The following COL16A1 variants were observed in gnomAD, a reference collection of about 807,000 sequenced individuals.
The protein encoded by COL16A1 is collagen type XVI alpha 1 chain.
Under a neutral mutation model 266.3 loss-of-function variants are expected in COL16A1, and 189 were observed. That is an observed-to-expected ratio of 0.71 (90% CI 0.63 to 0.80). COL16A1 has a LOEUF of 0.80. COL16A1 is among the 30% of genes least tolerant of loss of function. The pLI is 0.00. For missense variants in COL16A1, 1,928 were observed against 2,122.4 expected (o/e 0.91, Z 1.80); for synonymous variants, 740 against 782.3 (o/e 0.95, Z 0.90).
Position 31,690,413 on chromosome 1 carries a change from G to T in COL16A1, c.1483-20C>A. Reference sequence around the variant, plus strand: ...CTTCCCCTGTTAGAAAAGAGGCAATGGGCATCAGTGCCAGGGCAGAGGGCT... The same window carrying T: ...CTTCCCCTGTTAGAAAAGAGGCAATTGGCATCAGTGCCAGGGCAGAGGGCT... On this transcript the variant is annotated intron_variant, in intron 21 of 70. Transcript: ENST00000373672. The T allele has an allele frequency of 6.2e-7, 1 of 1,614,154 alleles. No individual in the cohort carries two copies. Among genetic ancestry groups the T allele is most frequent in the Non-Finnish European group, 8.5e-7 (1 of 1,180,020 alleles).
At chr1:31,701,377 C>A (rs192942609) in intron 2 of COL16A1, 2 of 985,438 alleles carry the variant, frequency 2.0e-6, no homozygotes, top group Non-Finnish European at 2.4e-6. Flanking sequence ...GGGCAGGCGG[C>A]CACACTCACC....
chr1:31,670,494 A>G lies in COL16A1; in HGVS notation c.3195+108T>C, dbSNP rs998861566. ...TAGCTACCGTGCCTGAAGGGGGACA[A>G]CAAACACGGAGGACGGAGGTGAAGG... On this transcript the variant is annotated intron_variant, in intron 49 of 70. Coordinates refer to ENST00000373672, the MANE Select transcript of COL16A1 (RefSeq NM_001856.4). This position sits in a 1 kb window ranked among gnomAD's most constrained non-coding sequence, Gnocchi z 4.5. The G allele has an allele frequency of 4.3e-5, 55 of 1,276,818 alleles. No homozygotes were observed. In the African/African-American group the frequency reaches 8.0e-4, roughly 19 times the overall value. 79.1% of individuals were successfully genotyped at this position (1,276,818 alleles called of 1,614,324 possible).
chr1:31,661,906 A>G (rs1641704956), intron 58 of COL16A1: 1 of 640,008 alleles, frequency 1.6e-6, no homozygotes, highest in African/African-American at 1.8e-5. Flanking sequence ...CTTCTTTGGG[A>G]TATATAAGGG....
At chr1:31,658,091 C>T (rs1377655727) in intron 64 of COL16A1, among the ~76,000 whole-genome samples, 1 of 152,230 alleles carries the variant, frequency 6.6e-6, no homozygotes, top group Admixed American at 6.5e-5. Flanking sequence ...TAAACGTGAG[C>T]TGAGACCAAG....
In COL16A1 at chr1:31,654,021, G is replaced by A. The variant is rs191886026; in HGVS notation, c.4380C>T (p.Ser1460=). 2,533 of 1,614,030 alleles carry A rather than the reference G, an allele frequency of 1.6e-3. 1 individual carries two copies. Among genetic ancestry groups the A allele is most frequent in the Non-Finnish European group, 1.8e-3 (2,078 of 1,179,942 alleles). The stretch of plus-strand genomic sequence containing the variant: ...CCATCTCCATGGGGAACTGCATCCT[G>A]GAGGTGTAGTAAGCCATTCTCTCTG... ...MFDERMAYYT[S]RMQFPMEMAA... The change falls in exon 69 of 71, where the codon TCC becomes TCT. Residue 1460 remains serine (S), a synonymous_variant. Coordinates refer to ENST00000373672, the MANE Select transcript of COL16A1 (RefSeq NM_001856.4).
intron 10 of COL16A1, among the ~76,000 whole-genome samples, 166 bp from the exon 11 acceptor site, chr1:31,695,387 AC>A (rs1363233243): frequency 2.8e-5 from 2 of 70,716 alleles, no homozygotes; most frequent in African/African-American, 1.1e-4. Flanking sequence ...CTCATTTCCC[AC>A]CCACCCAGCC....
At position 31,700,121 on chromosome 1, in the gene COL16A1, A is replaced by T. The variant is rs1252796952; in HGVS notation, c.74-6T>A. 6.2e-7 allele frequency: 1 copy of T among 1,614,086 alleles called. No homozygotes were observed. Among genetic ancestry groups the T allele is most frequent in the Admixed American group, 1.7e-5 (1 of 60,020 alleles). On this transcript the variant is annotated splice_polypyrimidine_tract_variant and splice_region_variant and intron_variant, in intron 2 of 70. Coordinates refer to ENST00000373672, the MANE Select transcript of COL16A1 (RefSeq NM_001856.4). ...TGAAGGTGGGCATTGTGCACCTAGA[A>T]GAGAAGGGGCAGGGGGGCATTAGGT...
At position 31,685,602 on chromosome 1, in the gene COL16A1, C is replaced by T. The variant is rs758716439; in HGVS notation, c.2016+37G>A. ...CCCCTCTCCTTAGCCCCGCCTGCAT[C>T]CCCCGTCCAGAGGCCCCTGCCTATA... On this transcript the variant is annotated intron_variant, in intron 29 of 70. Coordinates refer to ENST00000373672, the MANE Select transcript of COL16A1 (RefSeq NM_001856.4). The surrounding 1 kb of genome is among the most constrained non-coding windows in gnomAD (Gnocchi z 4.0). 3.9e-6 allele frequency: 6 copies of T among 1,555,620 alleles called. No homozygotes were observed. Among genetic ancestry groups the T allele is most frequent in the East Asian group, 2.4e-5 (1 of 41,726 alleles).
chr1:31,701,477 C>T (rs940031453), intron 2 of COL16A1: 43 of 985,254 alleles, frequency 4.4e-5, no homozygotes, highest in Non-Finnish European at 4.8e-5. Flanking sequence ...TCCTGCTTGG[C>T]GAAGCAGCTG....
At chr1:31,695,314 CAT>C (rs1244965592) in intron 10 of COL16A1, 93 bp from the exon 11 acceptor site, 11 of 1,277,596 alleles carry the variant, frequency 8.6e-6, no homozygotes, top group African/African-American at 1.5e-5. Context: ...GAACATCACA[CAT>C]ATCTTGAGTG....
intron 26 of COL16A1, 97 bp from the exon 27 acceptor site, chr1:31,686,376 G>A (rs1309874839): frequency 1.3e-6 from 2 of 1,499,216 alleles, no homozygotes; most frequent in Admixed American, 3.6e-5. Context: ...CCCTTCAGAT[G>A]TCCAGACTAC....
intron 42 of COL16A1, chr1:31,679,135 G>A (rs146579147): frequency 4.0e-5 from 13 of 325,886 alleles, no homozygotes; most frequent in Admixed American, 9.0e-5. Flanking sequence ...ATTCTCCTTA[G>A]TATGTATCAC....
At chr1:31,691,311 C>A in intron 19 of COL16A1, 85 bp from the exon 20 acceptor site, 2 of 1,594,438 alleles carry the variant, frequency 1.3e-6, no homozygotes, top group Non-Finnish European at 1.7e-6. Context: ...CTCCTCCAGC[C>A]AGGATCCCTG....
At chr1:31,669,451 C>A (rs186034840) in intron 49 of COL16A1, among the ~76,000 whole-genome samples, 1 of 152,148 alleles carries the variant, frequency 6.6e-6, no homozygotes, top group East Asian at 1.9e-4. Context: ...ACAGCCCCCA[C>A]CCCTAATTCC....
In COL16A1 at chr1:31,671,640, C is replaced by G. The variant is rs1340343573; in HGVS notation, c.3125G>C (p.Gly1042Ala). Reference sequence around the variant, plus strand: ...GATAGGGCCTGGAGGACCCGGGGAGCCCCTCATGCCAGGCGGACCCTGCAA... The same window carrying G: ...GATAGGGCCTGGAGGACCCGGGGAGGCCCTCATGCCAGGCGGACCCTGCAA... Reference protein sequence around the residue: ...RGEEGPPGMRGSPGPPGPIGP... With the variant: ...RGEEGPPGMRASPGPPGPIGP... The change falls in exon 48 of 71, where the codon GGC (glycine) becomes GCC (alanine). Residue 1042 changes from glycine (G) to alanine (A), a missense_variant. By Grantham distance (60) the Gly-to-Ala change is moderately conservative. Transcript: ENST00000373672. 2.5e-6 allele frequency: 4 copies of G among 1,614,106 alleles called. No individual in the cohort carries two copies. In the East Asian group the frequency reaches 6.7e-5, roughly 27 times the overall value.
In COL16A1 at chr1:31,684,826, G is replaced by T; in HGVS notation, c.2047C>A (p.Gln683Lys). ...GKAGERGLKG[Q>K]KGDAGNPGDP... ...GCCCACGGACGCCCTCTCACCTTCT[G>T]CCCCTTCAGTCCACGCTCTCCAGCC... The change falls in exon 30 of 71, where the codon CAG (glutamine) becomes AAG (lysine). Residue 683 changes from glutamine to lysine, a missense_variant. Gln to Lys is a moderately conservative substitution (Grantham distance 53, BLOSUM62 1). Coordinates refer to ENST00000373672, the MANE Select transcript of COL16A1 (RefSeq NM_001856.4). 6.2e-7 allele frequency: 1 copy of T among 1,614,068 alleles called. No individual in the cohort carries two copies. The highest frequency in any genetic ancestry group is 8.5e-7 in the Non-Finnish European group (1 of 1,180,010).
At position 31,652,593 on chromosome 1, in the gene COL16A1, A is replaced by G; in HGVS notation, c.*58T>C. The G allele has an allele frequency of 2.0e-6, 3 of 1,493,750 alleles. No individual in the cohort carries two copies. The highest frequency in any genetic ancestry group is 2.5e-5 in the Admixed American group (1 of 39,846). The allele number at this position is 1,493,750 out of a possible 1,614,324, so 92.5% of individuals were successfully genotyped here. A position where few individuals can be genotyped will look rare whatever the true frequency, so the allele number is the denominator to read the frequency against. On this transcript the variant is annotated 3_prime_UTR_variant, in exon 71 of 71. Transcript: ENST00000373672. This position sits in a 1 kb window ranked among gnomAD's most constrained non-coding sequence, Gnocchi z 4.8. ...CATTCACAACCTGTCACAGAGTCCTATAAGCTTTGGCCATTTATTCCCAAC... is the reference window on the plus strand; with the variant it reads ...CATTCACAACCTGTCACAGAGTCCTGTAAGCTTTGGCCATTTATTCCCAAC...
intron 56 of COL16A1, 26 bp from the exon 57 acceptor site, chr1:31,662,684 C>CA (rs780100673): frequency 4.8e-6 from 5 of 1,050,038 alleles, no homozygotes; most frequent in Non-Finnish European, 6.8e-6. Flanking sequence ...GCCCCCCCCC[C>CA]CCGCCCCACA....
intron 68 of COL16A1, 106 bp downstream of exon 68, chr1:31,654,686 G>A: frequency 1.3e-6 from 2 of 1,595,578 alleles, no homozygotes; most frequent in Non-Finnish European, 1.7e-6. Flanking sequence ...TGGAGGGTGA[G>A]AGCAGGAGGA....
Sources: gnomAD v4.1 joint callset for allele counts (sites outside exome capture counted in the v4.1 genomes callset) on GRCh38, gnomAD v4.1.1 for gene constraint, Gnocchi (gnomAD v3.1) non-coding constraint, MANE v1.5 for transcripts, NCBI Gene and HGNC (gene_info 2026-07-23, HGNC 2026-07-21) for gene names.